TRAPPC10: variants seen among roughly 807,000 people sequenced by gnomAD.
TRAPPC10 encodes TRAPP 130 kDa subunit.
TRAPPC10 carries 23 observed loss-of-function variants against 125.5 expected under a neutral mutation model. The observed-to-expected ratio is 0.18, with a 90% CI of 0.13 to 0.26. TRAPPC10 has a LOEUF of 0.26. Ranked by LOEUF, TRAPPC10 falls within the 10% of genes least tolerant of loss-of-function variation. The pLI is 1.00. For missense variants in TRAPPC10, 1,123 were observed against 1,308.4 expected, an observed-to-expected ratio of 0.86 and a Z score of 2.19; for synonymous variants, 509 against 518.0, an observed-to-expected ratio of 0.98 and a Z score of 0.24.
intron 1 of TRAPPC10, among the ~76,000 whole-genome samples, chr21:44,026,221 C>T (rs928252033): frequency 2.9e-4 from 44 of 152,112 alleles, no homozygotes; most frequent in African/African-American, 6.0e-4. Context: ...CCCCCACCCC[C>T]GACTGCGAAG....
chr21:44,025,259 C>T (rs1035607437), intron 1 of TRAPPC10, among the ~76,000 whole-genome samples: 6 of 152,112 alleles, frequency 3.9e-5, no homozygotes, highest in Non-Finnish European at 7.4e-5. Flanking sequence ...CTGTAGGCCT[C>T]GCTGAGAAGC....
intron 1 of TRAPPC10, among the ~76,000 whole-genome samples, chr21:44,013,954 A>G (rs2031498864): frequency 1.3e-5 from 2 of 152,222 alleles, no homozygotes; most frequent in South Asian, 4.1e-4. Context: ...GGGCTTTCCC[A>G]GTGCTCAGGG....
At chr21:44,073,641 C>G (rs932937974) in intron 7 of TRAPPC10, among the ~76,000 whole-genome samples, 2 of 152,206 alleles carry the variant, frequency 1.3e-5, no homozygotes, top group African/African-American at 4.8e-5. Context: ...TGGCCAGCCT[C>G]TACTTCATCT....
chr21:44,027,509 G>A (rs1345135373), intron 1 of TRAPPC10, among the ~76,000 whole-genome samples: 1 of 152,210 alleles, frequency 6.6e-6, no homozygotes, highest in Admixed American at 6.5e-5. Flanking sequence ...TAAGAAGTTG[G>A]GAAGGAGCAC....
rs1028804319 is a variant in TRAPPC10 at position 44,023,025 on chromosome 21, C to CTTTTT, written c.68-9045_68-9041dup. On this transcript the variant is annotated intron_variant, in intron 1 of 22. Coordinates refer to ENST00000291574, the MANE Select transcript of TRAPPC10 (RefSeq NM_003274.5). ...TGGTGATATTCTCATTTCCCTATGT[C>CTTTTT]TTTTTTTTTTTTTTTTTTTTTTTTT... is the stretch of plus-strand genomic sequence containing the variant. 2.0e-3 allele frequency among the ~76,000 whole-genome samples: 161 copies of CTTTTT among 80,242 alleles called. 9 individuals carry two copies. Among genetic ancestry groups the CTTTTT allele is most frequent in the African/African-American group, 4.2e-3 (74 of 17,478 alleles). 52.6% of individuals were successfully genotyped at this position (80,242 alleles called of 152,430 possible).
At chr21:44,029,240 G>A (rs2033359469) in intron 1 of TRAPPC10, among the ~76,000 whole-genome samples, 1 of 152,070 alleles carries the variant, frequency 6.6e-6, no homozygotes, top group Admixed American at 6.5e-5. Flanking sequence ...GACTACAGGC[G>A]CCTGCCACCA....
At chr21:44,090,461 A>G (rs988045312) in intron 18 of TRAPPC10, among the ~76,000 whole-genome samples, 3 of 152,168 alleles carry the variant, frequency 2.0e-5, no homozygotes, top group Non-Finnish European at 4.4e-5. Flanking sequence ...CTCTCCCATG[A>G]GATGCCAGTA....
chr21:44,076,219 G>A lies in TRAPPC10; in HGVS notation c.1301-333G>A, dbSNP rs187260496. ...AATAAATGTTTAAGGGAAAAAATAC[G>A]TAGTATTTATATTTCATTGTTTCAA... On this transcript the variant is annotated intron_variant, in intron 9 of 22. Transcript: ENST00000291574. Among the ~76,000 whole-genome samples, 782 of 152,256 alleles carry A rather than the reference G, an allele frequency of 5.1e-3. 8 individuals are homozygous for A. Among genetic ancestry groups the A allele is most frequent in the South Asian group, 0.015 (71 of 4,830 alleles).
intron 1 of TRAPPC10, among the ~76,000 whole-genome samples, chr21:44,021,531 A>G (rs1475992323): frequency 2.0e-5 from 3 of 152,192 alleles, no homozygotes; most frequent in Non-Finnish European, 4.4e-5. Flanking sequence ...CAACTACAGC[A>G]ATTAGGTGAA....
chr21:44,013,433 T>G (rs1462731970), intron 1 of TRAPPC10, among the ~76,000 whole-genome samples: 2 of 152,220 alleles, frequency 1.3e-5, no homozygotes, highest in African/African-American at 4.8e-5. Context: ...TTTGACAGTA[T>G]TCTGTATTTT....
chr21:44,069,245 G>A (rs770041885), intron 7 of TRAPPC10, among the ~76,000 whole-genome samples: 3 of 152,088 alleles, frequency 2.0e-5, no homozygotes, highest in Non-Finnish European at 2.9e-5. Context: ...AAGGCCCTCC[G>A]CAGCTTGGAA....
rs557421966 is a variant in TRAPPC10 at position 44,082,046 on chromosome 21, G to A, written c.1724-742G>A. ...TTTGAGTTGTGATGTTCCTGCCAAC[G>A]TTCCTTGGTATCTCTATACGAATAA... is the stretch of plus-strand genomic sequence containing the variant. On this transcript the variant is annotated intron_variant, in intron 13 of 22. Coordinates refer to ENST00000291574, the MANE Select transcript of TRAPPC10 (RefSeq NM_003274.5). This position sits in a 1 kb window ranked among gnomAD's most constrained non-coding sequence, Gnocchi z 4.4. Among the ~76,000 whole-genome samples, 60 of 152,266 alleles carry A rather than the reference G, an allele frequency of 3.9e-4. No individual in the cohort carries two copies. Among genetic ancestry groups the A allele is most frequent in the African/African-American group, 1.0e-3 (43 of 41,548 alleles).
At chr21:44,026,051 A>G (rs1302558283) in intron 1 of TRAPPC10, among the ~76,000 whole-genome samples, 3 of 152,002 alleles carry the variant, frequency 2.0e-5, no homozygotes, top group African/African-American at 4.8e-5. Context: ...TTACTTCTCA[A>G]ATATGTGCCT....
chr21:44,062,501 G>A, intron 6 of TRAPPC10: 3 of 981,060 alleles, frequency 3.1e-6, no homozygotes, highest in East Asian at 1.1e-4. Flanking sequence ...CTGGCACAGA[G>A]GCCTGACTGA....
chr21:44,024,139 C>T (rs2032836676), intron 1 of TRAPPC10, among the ~76,000 whole-genome samples: 1 of 152,198 alleles, frequency 6.6e-6, no homozygotes, highest in Admixed American at 6.5e-5. Context: ...CATAAGTTCA[C>T]TCTTTTTGAT....
chr21:44,079,768 C>A, intron 12 of TRAPPC10, 64 bp downstream of exon 12: 1 of 1,525,014 alleles, frequency 6.6e-7, no homozygotes, highest in South Asian at 1.2e-5. Context: ...ACATTGCCCA[C>A]AATCAATGTT....
intron 14 of TRAPPC10, among the ~76,000 whole-genome samples, chr21:44,083,836 G>A (rs989262079): frequency 9.2e-5 from 14 of 152,202 alleles, no homozygotes; most frequent in African/African-American, 3.1e-4. Flanking sequence ...CTTAAATCTC[G>A]TGCTGAATGT....
rs976530256 is a variant in TRAPPC10, at chr21:44,058,381, C to T, written c.679-722C>T. Reference sequence around the variant, plus strand: ...CCTTGGTGGTGGAGCTGAGTGAGGCCAGAGGGCTGGTGCTGGGAAGGGGTG... The same window carrying T: ...CCTTGGTGGTGGAGCTGAGTGAGGCTAGAGGGCTGGTGCTGGGAAGGGGTG... On this transcript the variant is annotated intron_variant, in intron 5 of 22. Coordinates refer to ENST00000291574, the MANE Select transcript of TRAPPC10 (RefSeq NM_003274.5). Among the ~76,000 whole-genome samples the T allele has an allele frequency of 3.3e-4, 38 of 114,356 alleles. 1 individual carries two copies. The highest frequency in any genetic ancestry group is 1.3e-3 in the African/African-American group (36 of 28,478). 75.0% of individuals were successfully genotyped at this position (114,356 alleles called of 152,430 possible).
chr21:44,040,681 G>A (rs1256869435), intron 3 of TRAPPC10, among the ~76,000 whole-genome samples: 1 of 151,820 alleles, frequency 6.6e-6, no homozygotes, highest in East Asian at 1.9e-4. Context: ...GAGTGCAGTG[G>A]TGCGATCTTG....
Sources: allele counts gnomAD v4.1 joint callset (sites outside exome capture counted in the v4.1 genomes callset), GRCh38; gene constraint gnomAD v4.1.1; non-coding constraint Gnocchi (gnomAD v3.1); transcripts MANE v1.5; gene names NCBI Gene and HGNC (gene_info 2026-07-23, HGNC 2026-07-21).